The following CDH12 variants were observed in gnomAD, a reference collection of about 807,000 sequenced individuals.
CDH12 encodes cadherin-12.
Under a neutral mutation model 74.1 loss-of-function variants are expected in CDH12, and 41 were observed. That is an observed-to-expected ratio of 0.55 (90% confidence interval 0.43 to 0.72). The LOEUF (loss-of-function observed/expected upper bound fraction) is 0.72. CDH12 is among the 30% of genes least tolerant of loss of function. The pLI is 0.00. For missense variants in CDH12, 945 were observed against 977.2 expected (o/e 0.97, Z 0.44); for synonymous variants, 399 against 355.0 (o/e 1.12, Z -1.39).
intron 2 of CDH12, among the ~76,000 whole-genome samples, chr5:22,413,215 G>T (rs564815614): frequency 2.6e-5 from 4 of 151,900 alleles, no homozygotes; most frequent in African/African-American, 9.7e-5. Context: ...AACGATTTTT[G>T]CAGCTATGTG....
chr5:21,897,490 A>G (rs1753177006), intron 6 of CDH12, among the ~76,000 whole-genome samples: 1 of 152,198 alleles, frequency 6.6e-6, no homozygotes, highest in South Asian at 2.1e-4. Context: ...AAGTTTTTAG[A>G]GACAGTATCA....
At chr5:22,001,396 A>G (rs1736593450) in intron 5 of CDH12, among the ~76,000 whole-genome samples, 1 of 152,176 alleles carries the variant, frequency 6.6e-6, no homozygotes, top group African/African-American at 2.4e-5. Flanking sequence ...TCCTCCCAGA[A>G]TGCCTCAGAG....
chr5:22,852,259 G>T (rs978717400), intron 1 of CDH12, among the ~76,000 whole-genome samples: 1 of 152,120 alleles, frequency 6.6e-6, no homozygotes, highest in Non-Finnish European at 1.5e-5. Context: ...AAGTACAGAG[G>T]TTCTAAATAC....
chr5:22,108,205 G>T lies in CDH12; in HGVS notation c.-186-29343C>A, dbSNP rs1021964015. On this transcript the variant is annotated intron_variant, in intron 4 of 14. Transcript: ENST00000382254. ...TGAATAAGTCTCATGAGATCTGATG[G>T]TTTTATAAAGGGCAGTTCCCCTGCA... Among the ~76,000 whole-genome samples, 20 of 152,214 alleles carry T rather than the reference G, an allele frequency of 1.3e-4. 1 individual carries two copies. The highest frequency in any genetic ancestry group is 1.2e-3 in the Admixed American group (18 of 15,278).
At chr5:22,790,190 T>C (rs550173845) in intron 1 of CDH12, among the ~76,000 whole-genome samples, 15 of 152,222 alleles carry the variant, frequency 9.9e-5, no homozygotes, top group African/African-American at 2.9e-4. Flanking sequence ...AAAACGTGTT[T>C]TGTTGGACAG....
chr5:22,674,962 T>C (rs1741087914), intron 1 of CDH12, among the ~76,000 whole-genome samples: 1 of 152,144 alleles, frequency 6.6e-6, no homozygotes, highest in African/African-American at 2.4e-5. Flanking sequence ...CATAAAAGTT[T>C]GGAAAATTTG....
At chr5:22,291,143 A>G (rs1344605886) in intron 3 of CDH12, among the ~76,000 whole-genome samples, 4 of 152,188 alleles carry the variant, frequency 2.6e-5, no homozygotes, top group African/African-American at 9.6e-5. Flanking sequence ...ATAGGAGCAG[A>G]AAAAGCATTT....
rs555867153 is a variant in CDH12, at chr5:22,802,292, T to G, written c.-523+50766A>C. 3.3e-5 allele frequency among the ~76,000 whole-genome samples: 5 copies of G among 152,006 alleles called. No individual in the cohort carries two copies. The East Asian group carries it at 9.8e-4, about 30-fold the overall frequency. On this transcript the variant is annotated intron_variant, in intron 1 of 14. Transcript: ENST00000382254. ...GCCCGCCACCACACCCGGCTATTTTTTGTATTTTTAGTAGAGATGGGGTTT... is the reference window on the plus strand; with the variant it reads ...GCCCGCCACCACACCCGGCTATTTTGTGTATTTTTAGTAGAGATGGGGTTT...
chr5:22,586,169 G>T (rs1020951367), intron 1 of CDH12, among the ~76,000 whole-genome samples: 29 of 152,128 alleles, frequency 1.9e-4, no homozygotes, highest in African/African-American at 5.3e-4. Context: ...CATAAAAAAT[G>T]ATGAGTTCAT....
intron 3 of CDH12, among the ~76,000 whole-genome samples, chr5:22,387,939 GACT>G (rs1165046890): frequency 1.3e-5 from 2 of 152,042 alleles, no homozygotes. Flanking sequence ...TTGTCACTAA[GACT>G]ATCAGGCTCA....
At chr5:22,353,174 A>G (rs3112477) in intron 3 of CDH12, among the ~76,000 whole-genome samples, 1 of 152,236 alleles carries the variant, frequency 6.6e-6, no homozygotes, top group Middle Eastern at 3.4e-3. Flanking sequence ...CTAAAGCAAT[A>G]TGATGCCCAT....
chr5:22,095,591 G>T lies in CDH12; in HGVS notation c.-186-16729C>A, dbSNP rs574258709. Among the ~76,000 whole-genome samples, 22 of 151,882 alleles carry T rather than the reference G, an allele frequency of 1.4e-4. No homozygotes were observed. The South Asian group carries it at 4.0e-3, about 27-fold the overall frequency. On this transcript the variant is annotated intron_variant, in intron 4 of 14. Transcript: ENST00000382254. ...CTCTACCCCTTCTCTGCTTTTCTGG[G>T]GGGCAAGAACCCCCCAATCCCTTCT...
At chr5:22,645,517 A>T (rs1312025708) in intron 1 of CDH12, among the ~76,000 whole-genome samples, 1 of 152,078 alleles carries the variant, frequency 6.6e-6, no homozygotes, top group Non-Finnish European at 1.5e-5. Context: ...TCTGGTAAAG[A>T]TGCTATGAAC....
chr5:22,405,218 A>T, intron 3 of CDH12, 39 bp downstream of exon 3: 2 of 602,498 alleles, frequency 3.3e-6, no homozygotes, highest in Non-Finnish European at 4.2e-6. Context: ...TAAAAAAAAT[A>T]AAAAATAAAG....
At chr5:21,937,384 A>G (rs1755121128) in intron 6 of CDH12, among the ~76,000 whole-genome samples, 1 of 152,186 alleles carries the variant, frequency 6.6e-6, no homozygotes, top group African/African-American at 2.4e-5. Context: ...GAGAGAATAT[A>G]TTTTGATGAA....
chr5:22,759,226 T>A (rs1160865278), intron 1 of CDH12, among the ~76,000 whole-genome samples: 1 of 152,112 alleles, frequency 6.6e-6, no homozygotes, highest in African/African-American at 2.4e-5. Flanking sequence ...AAACTTAGAT[T>A]GATTTCAAAG....
At chr5:22,636,598 T>C (rs1738853478) in intron 1 of CDH12, among the ~76,000 whole-genome samples, 1 of 152,210 alleles carries the variant, frequency 6.6e-6, no homozygotes, top group Non-Finnish European at 1.5e-5. Context: ...AGTAGATCTA[T>C]ATAAAAATGT....
chr5:22,240,697 C>T (rs1471604534), intron 3 of CDH12, among the ~76,000 whole-genome samples: 1 of 151,886 alleles, frequency 6.6e-6, no homozygotes, highest in Non-Finnish European at 1.5e-5. Context: ...CCATGCCGGG[C>T]TAATTTTTGT....
rs796398823 is a variant in CDH12 at position 22,117,478 on chromosome 5, T to A, written c.-186-38616A>T. Among the ~76,000 whole-genome samples the A allele has an allele frequency of 6.4e-3, 435 of 68,226 alleles. 6 individuals are homozygous for A. The highest frequency in any genetic ancestry group is 0.026 in the African/African-American group (418 of 16,296). The allele number at this position is 68,226 out of a possible 152,430, so 44.8% of individuals were successfully genotyped here. ...ATATATTATATATATAATATATATA[T>A]TATATATATATTATATATATATAAT... On this transcript the variant is annotated intron_variant, in intron 4 of 14. Transcript: ENST00000382254.
Sources: allele counts gnomAD v4.1 joint callset (sites outside exome capture counted in the v4.1 genomes callset), GRCh38; gene constraint gnomAD v4.1.1; transcripts MANE v1.5; gene names NCBI Gene and HGNC (gene_info 2026-07-23, HGNC 2026-07-21).